Variants in UCK2 observed in about 807,000 individuals in gnomAD.
The protein encoded by UCK2 is cytidine monophosphokinase 2.
In UCK2, 6 loss-of-function variants were observed where a neutral mutation model predicts 30.8. The ratio of observed to expected loss-of-function variants is 0.19; its 90% confidence interval spans 0.11 to 0.38. The LOEUF (loss-of-function observed/expected upper bound fraction) is 0.38, where lower values mean the gene tolerates loss of function less well. UCK2 is among the 10% of genes least tolerant of loss of function. The probability of loss-of-function intolerance (pLI) is 1.00; values close to 1 mark genes in which losing one functional copy is unlikely to be tolerated. For synonymous variants in UCK2, 125 were observed against 133.6 expected, an observed-to-expected ratio of 0.94 and a Z score of 0.45; for missense variants, 210 against 339.8, an observed-to-expected ratio of 0.62 and a Z score of 3.00.
chr1:165,850,849 C>T (rs940762366), intron 1 of UCK2, among the ~76,000 whole-genome samples: 36 of 151,548 alleles, frequency 2.4e-4, no homozygotes, highest in South Asian at 2.1e-4. Context: ...GTCTTGATCT[C>T]CTGACCTCGT....
rs1254885153 is a variant in UCK2 at position 165,855,786 on chromosome 1, G to T, written c.99+27854G>T. Among the ~76,000 whole-genome samples the T allele has an allele frequency of 2.0e-5, 3 of 152,306 alleles. No individual in the cohort carries two copies. The South Asian group carries it at 6.2e-4, about 32-fold the overall frequency. On this transcript the variant is annotated intron_variant, in intron 1 of 6. Transcript: ENST00000367879. ...GGGGTGGGGACGTGGGGTGTGCATC[G>T]TCACAGAGCCAGCCTGGCCCTCTGG... is the stretch of plus-strand genomic sequence containing the variant.
chr1:165,903,108 G>A (rs1650739889), intron 4 of UCK2, 74 bp from the exon 5 acceptor site: 1 of 1,159,198 alleles, frequency 8.6e-7, no homozygotes, highest in Non-Finnish European at 1.3e-6. Flanking sequence ...TGGGAGCTAG[G>A]TCCACCCCAT....
At chr1:165,874,099 T>C (rs150909458) in intron 1 of UCK2, among the ~76,000 whole-genome samples, 1 of 152,330 alleles carries the variant, frequency 6.6e-6, no homozygotes, top group African/African-American at 2.4e-5. Flanking sequence ...GACAACCTTC[T>C]ATTTTATGAA....
chr1:165,828,813 A>G (rs555557636), intron 1 of UCK2, among the ~76,000 whole-genome samples: 4 of 152,248 alleles, frequency 2.6e-5, no homozygotes, highest in African/African-American at 9.6e-5. Context: ...GAGTCCTCCC[A>G]GATGGTTCTT....
intron 1 of UCK2, among the ~76,000 whole-genome samples, chr1:165,832,669 T>C (rs1654080411): frequency 6.6e-6 from 1 of 151,874 alleles, no homozygotes; most frequent in Non-Finnish European, 1.5e-5. Context: ...AGTGCAGGGG[T>C]GCGAACTCGG....
intron 1 of UCK2, among the ~76,000 whole-genome samples, chr1:165,889,268 C>T (rs577788730): frequency 1.3e-5 from 2 of 152,348 alleles, no homozygotes; most frequent in African/African-American, 2.4e-5. Context: ...GTAGGATTAA[C>T]GCTGTGAGCA....
intron 1 of UCK2, among the ~76,000 whole-genome samples, chr1:165,878,038 A>C (rs1655382604): frequency 6.6e-6 from 1 of 152,136 alleles, no homozygotes; most frequent in South Asian, 2.1e-4. Flanking sequence ...TTGTACATTG[A>C]GTGGGTTTGG....
At chr1:165,880,580 T>G (rs1329640839) in intron 1 of UCK2, among the ~76,000 whole-genome samples, 667 of 25,234 alleles carry the variant, frequency 0.026, 4 homozygotes, top group African/African-American at 0.057. Context: ...TGTGTGTGTG[T>G]GTGTGTGTGT....
In UCK2 at chr1:165,908,377, C is replaced by G. The variant is rs1174355418; in HGVS notation, c.*554C>G. The G allele has an allele frequency of 6.6e-6, 1 of 150,608 alleles. No homozygotes were observed. The highest frequency in any genetic ancestry group is 1.5e-5 in the Non-Finnish European group (1 of 67,846). 9.3% of individuals were successfully genotyped at this position (150,608 alleles called of 1,614,324 possible). On this transcript the variant is annotated 3_prime_UTR_variant, in exon 7 of 7. Transcript: ENST00000367879. ...CCTCTGTCACATGCCACTCTTGGAG[C>G]TGGAGCTTAGTGATATGTCAATGAG...
intron 1 of UCK2, among the ~76,000 whole-genome samples, chr1:165,882,558 A>G (rs1655523887): frequency 6.6e-6 from 1 of 152,244 alleles, no homozygotes; most frequent in Non-Finnish European, 1.5e-5. Flanking sequence ...GGGAAGTTCA[A>G]CATCAAGGTA....
In UCK2 at chr1:165,852,918, A is replaced by G. The variant is rs575790095; in HGVS notation, c.99+24986A>G. Among the ~76,000 whole-genome samples, 58 of 152,302 alleles carry G rather than the reference A, an allele frequency of 3.8e-4. 1 individual carries two copies. The highest frequency in any genetic ancestry group is 1.4e-3 in the African/African-American group (57 of 41,556). On this transcript the variant is annotated intron_variant, in intron 1 of 6. Coordinates refer to ENST00000367879, the MANE Select transcript of UCK2 (RefSeq NM_012474.5). ...TGGATAGTCAAACATCTCTCAAATA[A>G]ATATCAAAGAGTGATCTTCCCTTAA...
intron 1 of UCK2, among the ~76,000 whole-genome samples, chr1:165,838,850 C>G (rs1654259945): frequency 6.6e-6 from 1 of 151,982 alleles, no homozygotes; most frequent in Non-Finnish European, 1.5e-5. Flanking sequence ...GAGGTCGAGA[C>G]CAGCCTGACC....
At chr1:165,889,162 C>A (rs1655699708) in intron 1 of UCK2, among the ~76,000 whole-genome samples, 1 of 152,174 alleles carries the variant, frequency 6.6e-6, no homozygotes, top group African/African-American at 2.4e-5. Flanking sequence ...TTCCTTGTCA[C>A]CCTGTCTGTG....
chr1:165,867,370 A>G (rs1655073036), intron 1 of UCK2, among the ~76,000 whole-genome samples: 1 of 152,180 alleles, frequency 6.6e-6, no homozygotes, highest in Non-Finnish European at 1.5e-5. Context: ...TCTCTGTTTT[A>G]TGTGATGCTG....
At chr1:165,885,748 T>C (rs1287730616) in intron 1 of UCK2, among the ~76,000 whole-genome samples, 1 of 152,226 alleles carries the variant, frequency 6.6e-6, no homozygotes, top group African/African-American at 2.4e-5. Flanking sequence ...TCTCTTTGCC[T>C]CTATGTTTGC....
intron 1 of UCK2, among the ~76,000 whole-genome samples, chr1:165,872,701 C>G (rs964587869): frequency 6.6e-6 from 1 of 152,130 alleles, no homozygotes; most frequent in African/African-American, 2.4e-5. Context: ...CCTTGAAGCC[C>G]TTAAAAAGGA....
At chr1:165,898,801 C>G (rs1647357711) in intron 4 of UCK2, among the ~76,000 whole-genome samples, 2 of 152,214 alleles carry the variant, frequency 1.3e-5, no homozygotes, top group Non-Finnish European at 2.9e-5. Context: ...TGCTGGCCCT[C>G]TGGGGGTTTC....
intron 1 of UCK2, among the ~76,000 whole-genome samples, chr1:165,832,687 C>T (rs1654080822): frequency 6.6e-6 from 1 of 151,998 alleles, no homozygotes; most frequent in African/African-American, 2.4e-5. Flanking sequence ...CGGCTCACTA[C>T]AACTCCTGCG....
chr1:165,861,635 AAAAAAAAAAAAAAAC>A lies in UCK2; in HGVS notation c.100-28559_100-28545del, dbSNP rs1404432051. Among the ~76,000 whole-genome samples, 5 of 108,824 alleles carry A rather than the reference AAAAAAAAAAAAAAAC, an allele frequency of 4.6e-5. 1 individual carries two copies. The highest frequency in any genetic ancestry group is 2.5e-4 in the East Asian group (1 of 3,936). 71.4% of individuals were successfully genotyped at this position (108,824 alleles called of 152,430 possible). A position where few individuals can be genotyped will look rare whatever the true frequency, so the allele number is the denominator to read the frequency against. On this transcript the variant is annotated intron_variant, in intron 1 of 6. Transcript: ENST00000367879. Reference sequence around the variant, plus strand: ...AGAGCGAGACTCCGTCTCAAAAAAAAAAAAAAAAAAAAAACAAAAAAAAACAACAGTAAAACTCAA... The same window carrying A: ...AGAGCGAGACTCCGTCTCAAAAAAAAAAAAAAAAACAACAGTAAAACTCAA...
Sources: gnomAD v4.1 joint callset for allele counts (sites outside exome capture counted in the v4.1 genomes callset) on GRCh38, gnomAD v4.1.1 for gene constraint, MANE v1.5 for transcripts, NCBI Gene and HGNC (gene_info 2026-07-23, HGNC 2026-07-21) for gene names.